MGLL: variants seen among roughly 807,000 people sequenced by gnomAD.
MGLL encodes monoglyceride lipase.
Under a neutral mutation model 29.1 loss-of-function variants are expected in MGLL, and 7 were observed. The ratio of observed to expected loss-of-function variants is 0.24; its 90% CI spans 0.14 to 0.45. The LOEUF (loss-of-function observed/expected upper bound fraction) is 0.45, where lower values mean the gene tolerates loss of function less well. Ranked by LOEUF, MGLL falls within the 20% of genes least tolerant of loss-of-function variation. The pLI is 0.99. For synonymous variants in MGLL, 148 were observed against 168.3 expected, an observed-to-expected ratio of 0.88 and a Z score of 0.93; for missense variants, 356 against 413.6, an observed-to-expected ratio of 0.86 and a Z score of 1.21.
At chr3:127,692,978 A>C (rs2075276380) in intron 7 of MGLL, among the ~76,000 whole-genome samples, 1 of 152,064 alleles carries the variant, frequency 6.6e-6, no homozygotes, top group Admixed American at 6.5e-5. Context: ...TGTCCAGTCC[A>C]GTGGTTTTAA....
chr3:127,740,354 C>T (rs2076317297), intron 3 of MGLL, among the ~76,000 whole-genome samples: 1 of 152,218 alleles, frequency 6.6e-6, no homozygotes, highest in Non-Finnish European at 1.5e-5. Context: ...CCCTGGCAAC[C>T]ACCACTGACT....
intron 2 of MGLL, among the ~76,000 whole-genome samples, chr3:127,810,439 C>T (rs1238070540): frequency 1.3e-5 from 2 of 152,204 alleles, no homozygotes; most frequent in Non-Finnish European, 2.9e-5. Context: ...ACTGTATCCT[C>T]TCTCACTTCC....
chr3:127,705,688 A>G (rs1004437398), intron 6 of MGLL, among the ~76,000 whole-genome samples: 1 of 151,726 alleles, frequency 6.6e-6, no homozygotes, highest in African/African-American at 2.4e-5. Flanking sequence ...AGGCAGGAGA[A>G]TCGCTTGAAT....
chr3:127,818,847 G>T (rs537896372), intron 2 of MGLL, among the ~76,000 whole-genome samples: 1 of 152,160 alleles, frequency 6.6e-6, no homozygotes, highest in African/African-American at 2.4e-5. Flanking sequence ...GTAAAATGAG[G>T]TCATGTGTGC....
intron 3 of MGLL, among the ~76,000 whole-genome samples, chr3:127,745,957 C>G (rs150112875): frequency 2.4e-4 from 36 of 152,202 alleles, no homozygotes; most frequent in African/African-American, 7.2e-4. Context: ...TTTTTGTGCA[C>G]CATGTTAACA....
At chr3:127,805,960 T>C (rs1478817282) in intron 2 of MGLL, among the ~76,000 whole-genome samples, 1 of 152,258 alleles carries the variant, frequency 6.6e-6, no homozygotes, top group Non-Finnish European at 1.5e-5. Context: ...ACTCATGTAT[T>C]CAAGGAATAC....
chr3:127,800,843 A>G (rs775896878), intron 2 of MGLL, among the ~76,000 whole-genome samples: 1 of 152,228 alleles, frequency 6.6e-6, no homozygotes, highest in Non-Finnish European at 1.5e-5. Context: ...TAAGCATTGT[A>G]GCCAACAAGA....
chr3:127,729,014 T>C (rs995882202), intron 3 of MGLL, among the ~76,000 whole-genome samples: 10 of 152,292 alleles, frequency 6.6e-5, no homozygotes, highest in African/African-American at 2.4e-4. Flanking sequence ...CATTTTTTTC[T>C]ATGGGGGTTT....
intron 5 of MGLL, among the ~76,000 whole-genome samples, chr3:127,719,938 T>G (rs2075887009): frequency 6.6e-6 from 1 of 152,222 alleles, no homozygotes; most frequent in African/African-American, 2.4e-5. Context: ...ATTTCTCTTT[T>G]GCCAAGCCGA....
rs140919604 is a variant in MGLL at position 127,731,333 on chromosome 3, T to TTTA, written c.263-8770_263-8768dup. Among the ~76,000 whole-genome samples, 1,365 of 145,454 alleles carry TTTA rather than the reference T, an allele frequency of 9.4e-3. 12 individuals carry two copies. The highest frequency in any genetic ancestry group is 0.021 in the Middle Eastern group (6 of 286). ...ATGCCTGGCTGCTCTCTTGGTGGCT[T>TTTA]TTATTATTATTATTATTATTATTAT... is the stretch of plus-strand genomic sequence containing the variant. On this transcript the variant is annotated intron_variant, in intron 3 of 7. Transcript: ENST00000265052.
intron 2 of MGLL, among the ~76,000 whole-genome samples, chr3:127,811,192 T>TC (rs2077656091): frequency 7.3e-6 from 1 of 137,318 alleles, no homozygotes; most frequent in Non-Finnish European, 1.5e-5. Flanking sequence ...CTCTCAGTCA[T>TC]CCCACTGTAA....
intron 6 of MGLL, among the ~76,000 whole-genome samples, chr3:127,706,895 G>A (rs542759707): frequency 1.3e-4 from 20 of 152,310 alleles, no homozygotes; most frequent in African/African-American, 4.3e-4. Flanking sequence ...GCCTCAGCAC[G>A]GCCGAGCTTT....
intron 3 of MGLL, among the ~76,000 whole-genome samples, chr3:127,775,064 A>G (rs1038505096): frequency 2.0e-5 from 3 of 152,220 alleles, no homozygotes; most frequent in Non-Finnish European, 4.4e-5. Context: ...AAGGTAGAGC[A>G]TTCACTATGC....
At chr3:127,822,792 G>T (rs1019061477), upstream of MGLL, 2 of 161,352 alleles carry the variant, frequency 1.2e-5, no homozygotes, top group Non-Finnish European at 2.7e-5. Context: ...CGGAAATGCC[G>T]CTGGGAAAAC....
At chr3:127,738,567 G>A (rs2107651928) in intron 3 of MGLL, among the ~76,000 whole-genome samples, 1 of 152,296 alleles carries the variant, frequency 6.6e-6, no homozygotes, top group East Asian at 1.9e-4. Context: ...CATCTGCCAG[G>A]CTGGAGCACC....
intron 3 of MGLL, among the ~76,000 whole-genome samples, chr3:127,732,827 C>T (rs1228842497): frequency 1.3e-5 from 2 of 152,190 alleles, no homozygotes; most frequent in East Asian, 3.8e-4. Context: ...CCACTGGAGA[C>T]CTCATGTCTA....
chr3:127,693,706 A>G (rs2075291264), intron 7 of MGLL, among the ~76,000 whole-genome samples: 2 of 151,996 alleles, frequency 1.3e-5, no homozygotes, highest in Admixed American at 1.3e-4. Context: ...CTCCATCATC[A>G]TCCGTTTCAT....
chr3:127,710,957 G>A (rs542699899), intron 5 of MGLL: 8 of 438,572 alleles, frequency 1.8e-5, no homozygotes, highest in African/African-American at 1.0e-4. Context: ...CCCCATGATC[G>A]CTCATGGGTT....
At chr3:127,716,233 GA>G (rs757442497) in intron 5 of MGLL, among the ~76,000 whole-genome samples, 16 of 152,250 alleles carry the variant, frequency 1.1e-4, no homozygotes, top group Admixed American at 2.0e-4. Flanking sequence ...ATTTGGATTT[GA>G]ACTTTGATTC....
Sources: gnomAD v4.1 joint callset for allele counts (sites outside exome capture counted in the v4.1 genomes callset) on GRCh38, gnomAD v4.1.1 for gene constraint, MANE v1.5 for transcripts, NCBI Gene and HGNC (gene_info 2026-07-23, HGNC 2026-07-21) for gene names.